Variants in STON2 observed in about 807,000 individuals in gnomAD.
STON2 encodes the protein stonin 2.
STON2 carries 29 observed loss-of-function variants against 65.7 expected under a neutral mutation model. The observed-to-expected ratio is 0.44, with a 90% confidence interval of 0.33 to 0.60. The LOEUF (loss-of-function observed/expected upper bound fraction) is 0.60, where lower values mean the gene tolerates loss of function less well. STON2 is among the 20% of genes least tolerant of loss of function. The probability of loss-of-function intolerance (pLI) is 0.03; values close to 1 mark genes in which losing one functional copy is unlikely to be tolerated. For missense variants in STON2, 1,054 were observed against 1,118.1 expected (o/e 0.94, Z 0.82); for synonymous variants, 404 against 414.2 (o/e 0.98, Z 0.30).
chr14:81,304,421 G>A (rs546477762), intron 5 of STON2, among the ~76,000 whole-genome samples: 10 of 152,176 alleles, frequency 6.6e-5, no homozygotes, highest in African/African-American at 1.9e-4. Flanking sequence ...CCAAGCTCAC[G>A]CTGTTAGAGA....
At chr14:81,398,700 G>T in intron 1 of STON2, 120 bp from the exon 2 acceptor site, 1 of 228,838 alleles carries the variant, frequency 4.4e-6, no homozygotes, top group Non-Finnish European at 8.4e-6. Context: ...TTTCCAACTT[G>T]CCTTACTTCA....
intron 2 of STON2, among the ~76,000 whole-genome samples, chr14:81,397,491 C>T (rs1353277471): frequency 1.3e-5 from 2 of 152,056 alleles, no homozygotes; most frequent in Non-Finnish European, 2.9e-5. Context: ...ACAGCACATC[C>T]CAATTCAGAC....
chr14:81,426,521 T>C (rs887315879), intron 2 of STON2, among the ~76,000 whole-genome samples: 1 of 152,154 alleles, frequency 6.6e-6, no homozygotes, highest in African/African-American at 2.4e-5. Context: ...CTTCTCCTGG[T>C]GCCCACTGAG....
At chr14:81,376,539 C>T (rs1170501438) in intron 3 of STON2, among the ~76,000 whole-genome samples, 1 of 151,970 alleles carries the variant, frequency 6.6e-6, no homozygotes, top group African/African-American at 2.4e-5. Flanking sequence ...TTCTATCAAA[C>T]GTTAAAGGAA....
chr14:81,348,696 G>A (rs1897909799), intron 4 of STON2, among the ~76,000 whole-genome samples: 1 of 152,044 alleles, frequency 6.6e-6, no homozygotes, highest in South Asian at 2.1e-4. Flanking sequence ...TAGAGTCAAT[G>A]TAATCCCTAT....
chr14:81,321,122 G>A (rs1896806771), intron 5 of STON2, among the ~76,000 whole-genome samples: 1 of 152,208 alleles, frequency 6.6e-6, no homozygotes, highest in Non-Finnish European at 1.5e-5. Context: ...GATGCATGCA[G>A]CGTGTCTGGG....
At chr14:81,286,361 T>C (rs1484245911) in intron 5 of STON2, among the ~76,000 whole-genome samples, 1 of 152,204 alleles carries the variant, frequency 6.6e-6, no homozygotes, top group East Asian at 1.9e-4. Flanking sequence ...AACATCATTG[T>C]TGTTTTACAT....
At position 81,263,995 on chromosome 14, in the gene STON2, G is replaced by A; in HGVS notation, c.*4419C>T. 1.0e-6 allele frequency: 1 copy of A among 985,364 alleles called. No homozygotes were observed. The highest frequency in any genetic ancestry group is 6.1e-5 in the Admixed American group (1 of 16,276). The allele number at this position is 985,364 out of a possible 1,614,324, so 61.0% of individuals were successfully genotyped here. A position where few individuals can be genotyped will look rare whatever the true frequency, so the allele number is the denominator to read the frequency against. On this transcript the variant is annotated 3_prime_UTR_variant, in exon 8 of 8. Coordinates refer to ENST00000614646, the MANE Select transcript of STON2 (RefSeq NM_001394390.1). Reference sequence around the variant, plus strand: ...AATAAATGCAAAGTAACGGTCAGCGGTTAGTGCTGGAAGAACAAAGACCTA... The same window carrying A: ...AATAAATGCAAAGTAACGGTCAGCGATTAGTGCTGGAAGAACAAAGACCTA...
intron 4 of STON2, among the ~76,000 whole-genome samples, chr14:81,361,313 C>A (rs1385616002): frequency 6.6e-6 from 1 of 152,062 alleles, no homozygotes; most frequent in Non-Finnish European, 1.5e-5. Context: ...GACCCATTAA[C>A]CAATGGAACA....
At chr14:81,294,596 T>A (rs2140165387) in intron 5 of STON2, among the ~76,000 whole-genome samples, 1 of 152,382 alleles carries the variant, frequency 6.6e-6, no homozygotes, top group East Asian at 1.9e-4. Flanking sequence ...ATGAAGTATA[T>A]ATAGCAAACA....
At chr14:81,430,241 T>C (rs1351209228) in intron 1 of STON2, among the ~76,000 whole-genome samples, 3 of 152,218 alleles carry the variant, frequency 2.0e-5, no homozygotes, top group African/African-American at 7.2e-5. Flanking sequence ...TGCCTACTGT[T>C]GGTCTCGCTG....
rs374155807 is a variant in STON2 at position 81,281,068 on chromosome 14, T to C, written c.743-2329A>G. On this transcript the variant is annotated intron_variant, in intron 5 of 7. Transcript: ENST00000614646. ...GTAGGCTGTAGGCTAAACACGAGTATGCATATACATATACACATATCCATA... is the reference window on the plus strand; with the variant it reads ...GTAGGCTGTAGGCTAAACACGAGTACGCATATACATATACACATATCCATA... Among the ~76,000 whole-genome samples the C allele has an allele frequency of 4.0e-5, 6 of 150,346 alleles. 1 individual carries two copies. Among genetic ancestry groups the C allele is most frequent in the Admixed American group, 2.0e-4 (3 of 15,112 alleles).
At chr14:81,402,491 T>C (rs1900655706), upstream of STON2, among the ~76,000 whole-genome samples, 1 of 152,158 alleles carries the variant, frequency 6.6e-6, no homozygotes, top group African/African-American at 2.4e-5. Context: ...AAGAGACTTC[T>C]GAGAGCTTGA....
intron 4 of STON2, among the ~76,000 whole-genome samples, chr14:81,357,534 G>C (rs1054044683): frequency 6.6e-6 from 1 of 151,102 alleles, no homozygotes; most frequent in African/African-American, 2.4e-5. Context: ...ATTTGACCCA[G>C]CCATCCCATT....
intron 5 of STON2, among the ~76,000 whole-genome samples, chr14:81,322,996 C>G (rs903434816): frequency 6.6e-6 from 1 of 152,208 alleles, no homozygotes; most frequent in African/African-American, 2.4e-5. Flanking sequence ...TTGCATTTCC[C>G]ATACCGCCCT....
chr14:81,262,758 A>T lies in STON2; in HGVS notation c.*5656T>A. On this transcript the variant is annotated 3_prime_UTR_variant, in exon 8 of 8. Transcript: ENST00000614646. ...CTTTCCAGCAGATTTGCTAAGGCAC[A>T]CTAGAAGAAATGTAAAAATCTCACA... is the stretch of plus-strand genomic sequence containing the variant. 1 of 985,424 alleles carries T rather than the reference A, an allele frequency of 1.0e-6. No individual in the cohort carries two copies. The highest frequency in any genetic ancestry group is 1.2e-6 in the Non-Finnish European group (1 of 829,916). 61.0% of individuals were successfully genotyped at this position (985,424 alleles called of 1,614,324 possible). A position where few individuals can be genotyped will look rare whatever the true frequency, so the allele number is the denominator to read the frequency against.
chr14:81,305,440 G>C (rs1217386019), intron 5 of STON2, among the ~76,000 whole-genome samples: 1 of 152,180 alleles, frequency 6.6e-6, no homozygotes, highest in East Asian at 1.9e-4. Context: ...GGATTTTACT[G>C]AACTTTCACT....
Position 81,382,908 on chromosome 14 carries a change from G to A in STON2, c.374-11723C>T, listed in dbSNP as rs538723740. ...TGCCTCTCACAAACTGTTCTCATTC[G>A]CTCTAATACACTTTGTTTATTTTTC... On this transcript the variant is annotated intron_variant, in intron 3 of 7. Transcript: ENST00000614646. Among the ~76,000 whole-genome samples the A allele has an allele frequency of 3.3e-5, 5 of 152,194 alleles. No homozygotes were observed. The South Asian group carries it at 8.3e-4, about 25-fold the overall frequency.
intron 2 of STON2, among the ~76,000 whole-genome samples, chr14:81,421,513 T>A (rs1279052568): frequency 6.6e-6 from 1 of 152,130 alleles, no homozygotes. Context: ...CAGCTAGTAA[T>A]TAGAGTGATT....
Sources: gnomAD v4.1 joint callset for allele counts (sites outside exome capture counted in the v4.1 genomes callset) on GRCh38, gnomAD v4.1.1 for gene constraint, MANE v1.5 for transcripts, NCBI Gene and HGNC (gene_info 2026-07-23, HGNC 2026-07-21) for gene names.